The following LTBP1 variants were observed in gnomAD, a reference collection of about 807,000 sequenced individuals.
The protein encoded by LTBP1 is latent transforming growth factor beta binding protein 1.
In LTBP1, 129 loss-of-function variants were observed where a neutral mutation model predicts 207.6. That is an observed-to-expected ratio of 0.62 (90% confidence interval 0.54 to 0.72). LTBP1 has a LOEUF of 0.72. Ranked by LOEUF, LTBP1 falls within the 30% of genes least tolerant of loss-of-function variation. LTBP1 has a pLI of 0.00. For missense variants in LTBP1, 2,281 were observed against 2,217.2 expected (o/e 1.03, Z -0.58); for synonymous variants, 963 against 833.7 (o/e 1.16, Z -2.67).
chr2:33,270,602 A>G (rs1025494054), intron 15 of LTBP1, among the ~76,000 whole-genome samples: 18 of 151,624 alleles, frequency 1.2e-4, no homozygotes, highest in Non-Finnish European at 2.4e-4. Context: ...AAAAAAAAAA[A>G]AAAAAAAAAG....
chr2:33,291,948 T>C (rs1265257204), intron 19 of LTBP1, among the ~76,000 whole-genome samples: 2 of 152,198 alleles, frequency 1.3e-5, no homozygotes, highest in Non-Finnish European at 2.9e-5. Flanking sequence ...TCACGTGTCT[T>C]TTCCTCCTTG....
At position 33,334,840 on chromosome 2, in the gene LTBP1, G is replaced by A. The variant is rs7583097; in HGVS notation, c.3731-7998G>A. Among the ~76,000 whole-genome samples the A allele has an allele frequency of 5.7e-3, 867 of 151,746 alleles. 6 individuals carry two copies. The highest frequency in any genetic ancestry group is 0.02 in the African/African-American group (838 of 41,348). ...AATCCCAGCACTGGTTGGCCGAGGTGGGAGGATCACTTGAGCCGAGGAGTT... is the reference window on the plus strand; with the variant it reads ...AATCCCAGCACTGGTTGGCCGAGGTAGGAGGATCACTTGAGCCGAGGAGTT... On this transcript the variant is annotated intron_variant, in intron 24 of 33. Transcript: ENST00000404816.
At chr2:32,985,025 T>C (rs1467557934) in intron 2 of LTBP1, among the ~76,000 whole-genome samples, 1 of 152,218 alleles carries the variant, frequency 6.6e-6, no homozygotes. Context: ...TAAATTTACT[T>C]GAAAGAAAGT....
intron 24 of LTBP1, among the ~76,000 whole-genome samples, chr2:33,316,097 T>A (rs1445959115): frequency 6.6e-6 from 1 of 152,178 alleles, no homozygotes; most frequent in Non-Finnish European, 1.5e-5. Flanking sequence ...GATGTTAAGA[T>A]AATGCTCTTG....
intron 24 of LTBP1, among the ~76,000 whole-genome samples, chr2:33,334,789 G>A (rs1403675317): frequency 6.6e-6 from 1 of 151,932 alleles, no homozygotes; most frequent in Non-Finnish European, 1.5e-5. Context: ...AATTTAAGTA[G>A]GCTGGGCATG....
At chr2:32,973,189 G>A (rs1681176174) in intron 2 of LTBP1, among the ~76,000 whole-genome samples, 1 of 152,050 alleles carries the variant, frequency 6.6e-6, no homozygotes, top group African/African-American at 2.4e-5. Flanking sequence ...GCTCCTGAAT[G>A]TCTTTGTTAG....
chr2:33,198,450 C>T (rs988499083), intron 7 of LTBP1, among the ~76,000 whole-genome samples: 3 of 151,988 alleles, frequency 2.0e-5, no homozygotes, highest in South Asian at 2.1e-4. Context: ...TTTCTATTGA[C>T]TGGAATAGTT....
intron 26 of LTBP1, among the ~76,000 whole-genome samples, chr2:33,348,000 CTA>C (rs1400651600): frequency 1.3e-5 from 2 of 152,172 alleles, no homozygotes; most frequent in East Asian, 3.8e-4. Flanking sequence ...TAGAGAGTAG[CTA>C]TGTTTGCATT....
At chr2:33,378,356 G>A (rs1272718350) in intron 31 of LTBP1, among the ~76,000 whole-genome samples, 6 of 151,786 alleles carry the variant, frequency 4.0e-5, no homozygotes, top group African/African-American at 4.8e-5. Flanking sequence ...CTCCCGAGTA[G>A]CTGGGACTAC....
At chr2:33,291,772 G>A (rs1262266387) in intron 19 of LTBP1, 1 of 152,230 alleles carries the variant, frequency 6.6e-6, no homozygotes, top group Non-Finnish European at 1.5e-5. Flanking sequence ...GTACAACTCC[G>A]TTTCTGCATT....
intron 7 of LTBP1, among the ~76,000 whole-genome samples, chr2:33,209,246 T>C (rs1475074738): frequency 6.6e-6 from 1 of 152,164 alleles, no homozygotes; most frequent in Non-Finnish European, 1.5e-5. Context: ...AAACCATTGC[T>C]ATCTAAACCT....
rs961497104 is a variant in LTBP1 at position 33,364,497 on chromosome 2, C to G, written c.4540+141C>G. ...AACTAAAATGAGATACAATGAGATA[C>G]TTACAGAAATAGTAATAAGATGCAT... is the stretch of plus-strand genomic sequence containing the variant. On this transcript the variant is annotated intron_variant, in intron 30 of 33. Transcript: ENST00000404816. 2.2e-5 allele frequency: 18 copies of G among 803,574 alleles called. No individual in the cohort carries two copies. The African/African-American group carries it at 3.1e-4, about 14-fold the overall frequency. The allele number at this position is 803,574 out of a possible 1,614,324, so 49.8% of individuals were successfully genotyped here. A position where few individuals can be genotyped will look rare whatever the true frequency, so the allele number is the denominator to read the frequency against.
intron 2 of LTBP1, among the ~76,000 whole-genome samples, chr2:32,972,660 G>A (rs189298551): frequency 5.9e-5 from 9 of 152,272 alleles, no homozygotes; most frequent in Admixed American, 3.3e-4. Context: ...CCTGGTGGGA[G>A]GTGACTGGAT....
chr2:33,106,485 TG>T (rs1351665152), intron 3 of LTBP1, among the ~76,000 whole-genome samples: 1 of 152,250 alleles, frequency 6.6e-6, no homozygotes. Context: ...GCTTTATTTA[TG>T]GGCTACAGAA....
intron 19 of LTBP1, among the ~76,000 whole-genome samples, chr2:33,285,490 C>T (rs528639477): frequency 7.2e-4 from 105 of 145,216 alleles, no homozygotes; most frequent in African/African-American, 2.6e-3. Context: ...CCTCTGTTGC[C>T]CAGGCTGGAG....
chr2:33,097,807 G>A (rs2079476967), intron 3 of LTBP1, among the ~76,000 whole-genome samples: 1 of 152,128 alleles, frequency 6.6e-6, no homozygotes, highest in Admixed American at 6.5e-5. Context: ...TTCATTTTTA[G>A]TGGTTATATA....
intron 11 of LTBP1, among the ~76,000 whole-genome samples, chr2:33,253,646 G>A (rs1471198708): frequency 6.6e-6 from 1 of 152,148 alleles, no homozygotes; most frequent in East Asian, 1.9e-4. Context: ...ACCTAGGAAA[G>A]TGTCTTAACT....
intron 25 of LTBP1, among the ~76,000 whole-genome samples, chr2:33,344,664 T>G (rs985510665): frequency 6.6e-6 from 1 of 152,170 alleles, no homozygotes; most frequent in African/African-American, 2.4e-5. Context: ...GCAAATTCTA[T>G]TATAGCACTT....
At chr2:33,395,053 CT>C (rs2095346653) in intron 32 of LTBP1, among the ~76,000 whole-genome samples, 2 of 152,176 alleles carry the variant, frequency 1.3e-5, no homozygotes, top group South Asian at 4.1e-4. Context: ...ACCATATTTT[CT>C]TTTTTATCCC....
Sources: gnomAD v4.1 joint callset for allele counts (sites outside exome capture counted in the v4.1 genomes callset) on GRCh38, gnomAD v4.1.1 for gene constraint, MANE v1.5 for transcripts, NCBI Gene and HGNC (gene_info 2026-07-23, HGNC 2026-07-21) for gene names.